SLC25A21: variants seen among roughly 807,000 people sequenced by gnomAD.
SLC25A21 encodes the protein solute carrier family 25 member 21, also known as mitochondrial 2-oxodicarboxylate carrier.
A neutral mutation model predicts 43.8 loss-of-function variants in SLC25A21; 47 were observed. The ratio of observed to expected loss-of-function variants is 1.07; its 90% CI spans 0.85 to 1.37. The LOEUF is 1.37. SLC25A21 is among the 40% of genes most tolerant of loss of function. SLC25A21 has a pLI of 0.00. For synonymous variants in SLC25A21, 131 were observed against 121.3 expected (o/e 1.08, Z -0.52); for missense variants, 352 against 350.2 (o/e 1.00, Z -0.04).
intron 3 of SLC25A21, among the ~76,000 whole-genome samples, chr14:36,735,799 T>C (rs1885006120): frequency 7.1e-6 from 1 of 141,774 alleles, no homozygotes; most frequent in Non-Finnish European, 1.5e-5. Context: ...TTTGGGGTTC[T>C]TATCCCAGAA....
chr14:36,920,954 C>T (rs977293799), intron 1 of SLC25A21, among the ~76,000 whole-genome samples: 2 of 152,116 alleles, frequency 1.3e-5, no homozygotes, highest in African/African-American at 4.8e-5. Flanking sequence ...ATTTCTTCAA[C>T]AAAGATTGTT....
At chr14:37,062,461 T>A (rs1961968336) in intron 1 of SLC25A21, among the ~76,000 whole-genome samples, 1 of 152,040 alleles carries the variant, frequency 6.6e-6, no homozygotes, top group Non-Finnish European at 1.5e-5. Context: ...CAAAATAATT[T>A]TTTTTTTAAA....
At chr14:36,913,530 C>T (rs1464163284) in intron 1 of SLC25A21, among the ~76,000 whole-genome samples, 2 of 152,178 alleles carry the variant, frequency 1.3e-5, no homozygotes, top group African/African-American at 4.8e-5. Flanking sequence ...CCTGCCTCAG[C>T]CTCCCAGAGT....
intron 1 of SLC25A21, among the ~76,000 whole-genome samples, chr14:37,144,985 T>A (rs1167080953): frequency 6.6e-6 from 1 of 152,022 alleles, no homozygotes; most frequent in East Asian, 1.9e-4. Flanking sequence ...TGGAAGAGTC[T>A]TAACTACTCA....
At chr14:36,872,091 T>G (rs1483960283) in intron 2 of SLC25A21, among the ~76,000 whole-genome samples, 1 of 152,154 alleles carries the variant, frequency 6.6e-6, no homozygotes, top group African/African-American at 2.4e-5. Context: ...AAAGTAAATC[T>G]GAAAGATTAG....
At chr14:36,752,146 T>C (rs182573178) in intron 3 of SLC25A21, among the ~76,000 whole-genome samples, 19 of 152,294 alleles carry the variant, frequency 1.2e-4, no homozygotes, top group Middle Eastern at 3.4e-3. Context: ...TCAACATTGC[T>C]CATCATGAGG....
intron 1 of SLC25A21, among the ~76,000 whole-genome samples, chr14:37,108,089 T>C (rs539109000): frequency 8.4e-4 from 128 of 152,300 alleles, no homozygotes; most frequent in African/African-American, 3.0e-3. Context: ...ACCTGTGAAA[T>C]AGAAATGCTA....
At chr14:36,719,643 T>C (rs1884296092) in intron 6 of SLC25A21, among the ~76,000 whole-genome samples, 2 of 152,158 alleles carry the variant, frequency 1.3e-5, no homozygotes, top group Admixed American at 6.5e-5. Context: ...AGGATTATAG[T>C]CTTTGACTAA....
chr14:36,934,952 A>G (rs976552600), intron 1 of SLC25A21, among the ~76,000 whole-genome samples: 4 of 152,062 alleles, frequency 2.6e-5, no homozygotes, highest in Non-Finnish European at 5.9e-5. Flanking sequence ...TCCCGCAGAA[A>G]GAAAGAAGAA....
At chr14:36,887,967 C>T (rs554060611) in intron 1 of SLC25A21, among the ~76,000 whole-genome samples, 1 of 152,256 alleles carries the variant, frequency 6.6e-6, no homozygotes, top group East Asian at 1.9e-4. Context: ...TCTCACAGGC[C>T]AGGGTGTATG....
chr14:36,958,810 G>A (rs2049206914), intron 1 of SLC25A21, among the ~76,000 whole-genome samples: 1 of 152,186 alleles, frequency 6.6e-6, no homozygotes, highest in African/African-American at 2.4e-5. Context: ...AATCAAAACA[G>A]AGTGGACAGA....
intron 3 of SLC25A21, among the ~76,000 whole-genome samples, chr14:36,782,919 A>G (rs996649035): frequency 6.6e-6 from 1 of 151,036 alleles, no homozygotes; most frequent in Non-Finnish European, 1.5e-5. Flanking sequence ...AACCTGCACA[A>G]TGTGCACATG....
chr14:36,753,724 A>AATTTC (rs1198541855), intron 3 of SLC25A21, among the ~76,000 whole-genome samples: 1 of 152,166 alleles, frequency 6.6e-6, no homozygotes, highest in Non-Finnish European at 1.5e-5. Context: ...ATATTTATAG[A>AATTTC]ATTTCAGAAC....
intron 2 of SLC25A21, among the ~76,000 whole-genome samples, chr14:36,873,703 G>A (rs1440257970): frequency 1.3e-5 from 2 of 152,108 alleles, no homozygotes; most frequent in African/African-American, 2.4e-5. Context: ...ACAATGCAAC[G>A]GTATTTGGAA....
At chr14:37,052,248 A>G (rs75015596) in intron 1 of SLC25A21, among the ~76,000 whole-genome samples, 4 of 152,210 alleles carry the variant, frequency 2.6e-5, no homozygotes, top group African/African-American at 9.6e-5. Flanking sequence ...AGTATTTTTT[A>G]TCATCTAACT....
chr14:36,706,208 T>C (rs1883557321), intron 7 of SLC25A21, among the ~76,000 whole-genome samples: 2 of 152,226 alleles, frequency 1.3e-5, no homozygotes, highest in Admixed American at 1.3e-4. Context: ...CGAGCTCCAC[T>C]ACTCCTTCCC....
chr14:37,128,517 T>G (rs1963334208), intron 1 of SLC25A21, among the ~76,000 whole-genome samples: 1 of 128,644 alleles, frequency 7.8e-6, no homozygotes, highest in South Asian at 2.7e-4. Context: ...AGCATTACTT[T>G]CTGTCTCTCT....
chr14:36,896,867 C>T (rs183694514), intron 1 of SLC25A21, among the ~76,000 whole-genome samples: 10 of 152,156 alleles, frequency 6.6e-5, no homozygotes, highest in Admixed American at 3.9e-4. Context: ...AATATTGGCC[C>T]GCACTCTCTG....
chr14:36,923,084 A>C (rs1892026269), intron 1 of SLC25A21, among the ~76,000 whole-genome samples: 1 of 152,198 alleles, frequency 6.6e-6, no homozygotes, highest in South Asian at 2.1e-4. Flanking sequence ...TCAAAGATTT[A>C]AGGGGAAACT....
Sources: allele counts gnomAD v4.1 joint callset (sites outside exome capture counted in the v4.1 genomes callset), GRCh38; gene constraint gnomAD v4.1.1; transcripts MANE v1.5; gene names NCBI Gene and HGNC (gene_info 2026-07-23, HGNC 2026-07-21).